GIT2: variants seen among roughly 807,000 people sequenced by gnomAD.
GIT2 encodes the protein ARF GTPase-activating protein GIT2.
Under a neutral mutation model 100.3 loss-of-function variants are expected in GIT2, and 32 were observed. The observed-to-expected ratio is 0.32, with a 90% CI of 0.24 to 0.43. The LOEUF (loss-of-function observed/expected upper bound fraction) is 0.43. Ranked by LOEUF, GIT2 falls within the 20% of genes least tolerant of loss-of-function variation. GIT2 has a pLI of 1.00. For missense variants in GIT2, 737 were observed against 975.1 expected (o/e 0.76, Z 3.25); for synonymous variants, 353 against 364.1 (o/e 0.97, Z 0.35).
chr12:109,936,938 AGT>A (rs1873199330), intron 18 of GIT2, among the ~76,000 whole-genome samples: 1 of 152,032 alleles, frequency 6.6e-6, no homozygotes, highest in African/African-American at 2.4e-5. Flanking sequence ...TCAAATATGA[AGT>A]CACTCACTGC....
Position 109,953,105 on chromosome 12 carries a change from G to T in GIT2, c.1229C>A (p.Thr410Lys), listed in dbSNP as rs547422898. ...ATGGCCTCTCACCTTCTGCCGGTTTGTTTTGCTTGCAGTGGTTTCCAAATC... is the reference window on the plus strand; with the variant it reads ...ATGGCCTCTCACCTTCTGCCGGTTTTTTTTGCTTGCAGTGGTTTCCAAATC... ...DTDLETTASK[T>K]NRQKSLDSDL... The change falls in exon 13 of 20, where the codon ACA becomes AAA. Residue 410 changes from threonine (T) to lysine (K), a missense_variant. Physicochemically the swap from Thr to Lys is moderately conservative, Grantham distance 78. This residue lies in a region of GIT2 where 451 missense variants were observed against 543.7 expected (regional missense o/e 0.83). Transcript: ENST00000355312. The T allele has an allele frequency of 5.6e-6, 9 of 1,614,146 alleles. No homozygotes were observed. In the African/African-American group the frequency reaches 6.7e-5, roughly 12 times the overall value.
intron 4 of GIT2, among the ~76,000 whole-genome samples, chr12:109,988,523 C>A (rs1226812121): frequency 1.3e-5 from 2 of 151,900 alleles, no homozygotes; most frequent in Non-Finnish European, 2.9e-5. Flanking sequence ...GCCTGGGCAA[C>A]AGAGCAAGAC....
intron 12 of GIT2, 82 bp downstream of exon 12, chr12:109,959,765 C>G: frequency 2.5e-6 from 2 of 809,540 alleles, no homozygotes. Flanking sequence ...TTGATGACTG[C>G]TTTAATTAGT....
intron 12 of GIT2, among the ~76,000 whole-genome samples, chr12:109,957,222 C>G (rs1400175065): frequency 6.6e-6 from 1 of 152,044 alleles, no homozygotes; most frequent in Non-Finnish European, 1.5e-5. Context: ...AGTTCTCGCT[C>G]TATTAGTTCC....
intron 9 of GIT2, among the ~76,000 whole-genome samples, chr12:109,963,838 C>T (rs1234477104): frequency 6.6e-6 from 1 of 152,156 alleles, no homozygotes; most frequent in African/African-American, 2.4e-5. Context: ...CCACTCTGAG[C>T]AGTTCTGGCC....
chr12:109,965,565 C>A lies in GIT2; in HGVS notation c.777G>T (p.Leu259Phe). 1 of 1,592,494 alleles carries A rather than the reference C, an allele frequency of 6.3e-7. No individual in the cohort carries two copies. The stretch of plus-strand genomic sequence containing the variant: ...TCTTAGCAGCTTTTGCCAATTCAGA[C>A]AAATCCAGGCTGCTAAGAAAACATA... ...IPQMADSSLD[L>F]SELAKAAKKK... Residue 259 changes from leucine to phenylalanine, a missense_variant, in exon 9 of 20, where the codon TTG becomes TTT. Leu to Phe is a conservative substitution (Grantham distance 22). Around this residue, in one of 3 missense-constraint regions of GIT2, gnomAD observed 266 missense variants for 376.2 expected, o/e 0.71. Transcript: ENST00000355312.
chr12:109,994,359 T>C (rs1292260786), intron 1 of GIT2, among the ~76,000 whole-genome samples: 1 of 152,170 alleles, frequency 6.6e-6, no homozygotes, highest in South Asian at 2.1e-4. Context: ...TCAAAAATGT[T>C]TGTGACTCCC....
chr12:109,945,772 TAAG>T (rs1876150724), intron 15 of GIT2, among the ~76,000 whole-genome samples: 1 of 152,316 alleles, frequency 6.6e-6, no homozygotes, highest in East Asian at 1.9e-4. Flanking sequence ...TTTTCTAAAA[TAAG>T]AAAGTACACT....
chr12:109,954,759 C>T (rs140397166), intron 12 of GIT2, among the ~76,000 whole-genome samples: 1 of 151,734 alleles, frequency 6.6e-6, no homozygotes, highest in Non-Finnish European at 1.5e-5. Flanking sequence ...ATTAGCTGGG[C>T]GTGGTGGTGC....
At chr12:109,952,700 C>A (rs1878238656) in intron 13 of GIT2, 2 of 494,826 alleles carry the variant, frequency 4.0e-6, no homozygotes, top group Admixed American at 4.1e-5. Context: ...GCCATAGATT[C>A]TCTCTCTGCT....
At chr12:109,955,407 T>C (rs1210079050) in intron 12 of GIT2, among the ~76,000 whole-genome samples, 1 of 152,212 alleles carries the variant, frequency 6.6e-6, no homozygotes, top group African/African-American at 2.4e-5. Flanking sequence ...ATTACAGGTG[T>C]GAGCCACCGC....
In GIT2 at chr12:109,938,586, G is replaced by A; in HGVS notation, c.1815-18C>T. 1.3e-6 allele frequency: 2 copies of A among 1,557,844 alleles called. No homozygotes were observed. Among genetic ancestry groups the A allele is most frequent in the Non-Finnish European group, 1.7e-6 (2 of 1,152,010 alleles). ...GGCTTGACCTGTGAACATTAAAGAT[G>A]CAGTTAAATACAGCAGGTGCTTATC... On this transcript the variant is annotated intron_variant, in intron 17 of 19. Transcript: ENST00000355312.
At chr12:109,991,096 G>A (rs1024411456) in intron 2 of GIT2, among the ~76,000 whole-genome samples, 6 of 152,206 alleles carry the variant, frequency 3.9e-5, no homozygotes, top group African/African-American at 1.4e-4. Flanking sequence ...GATCACTTGA[G>A]TTCAGGAGTT....
intron 18 of GIT2, among the ~76,000 whole-genome samples, chr12:109,935,969 C>T (rs1455791732): frequency 6.6e-6 from 1 of 152,106 alleles, no homozygotes; most frequent in Non-Finnish European, 1.5e-5. Flanking sequence ...GTCATAATCC[C>T]TGAATTGTAT....
Position 109,982,972 on chromosome 12 carries a change from C to A in GIT2, c.623+401G>T, listed in dbSNP as rs148001007. On this transcript the variant is annotated intron_variant, in intron 6 of 19. Transcript: ENST00000355312. ...AGAGTGAGCACTTAGATGTCTACTA[C>A]CCAAACCTTACAATTAACTTTTTAC... The A allele has an allele frequency of 8.2e-3, 1,389 of 169,466 alleles. 28 individuals carry two copies. The highest frequency in any genetic ancestry group is 0.032 in the African/African-American group (1,316 of 41,598). The allele number at this position is 169,466 out of a possible 1,614,324, so 10.5% of individuals were successfully genotyped here. A position where few individuals can be genotyped will look rare whatever the true frequency, so the allele number is the denominator to read the frequency against.
chr12:109,944,164 C>T (rs1385932765), intron 16 of GIT2, among the ~76,000 whole-genome samples: 1 of 152,068 alleles, frequency 6.6e-6, no homozygotes, highest in Non-Finnish European at 1.5e-5. Flanking sequence ...GACTGGGCAA[C>T]ATGAGACTCT....
rs77766064 is a variant in GIT2 at position 109,930,999 on chromosome 12, C to A, written c.*1979G>T. 0.016 allele frequency: 2,497 copies of A among 152,292 alleles called. 36 individuals are homozygous for A. The highest frequency in any genetic ancestry group is 0.053 in the South Asian group (255 of 4,824). The allele number at this position is 152,292 out of a possible 1,614,324, so 9.4% of individuals were successfully genotyped here. A position where few individuals can be genotyped will look rare whatever the true frequency, so the allele number is the denominator to read the frequency against. On this transcript the variant is annotated 3_prime_UTR_variant, in exon 20 of 20. Transcript: ENST00000355312. ...CTGTGGGACAAACAAGTGGAAGAGT[C>A]TTTTGGAGACGTGGACCCTTTTCCC...
At chr12:109,959,658 G>A (rs555685717) in intron 12 of GIT2, among the ~76,000 whole-genome samples, 189 bp downstream of exon 12, 18 of 152,196 alleles carry the variant, frequency 1.2e-4, no homozygotes, top group Non-Finnish European at 2.5e-4. Flanking sequence ...CATGGCACAC[G>A]TATACCTACG....
chr12:109,986,395 G>A (rs1566015370), intron 4 of GIT2, among the ~76,000 whole-genome samples: 1 of 152,200 alleles, frequency 6.6e-6, no homozygotes, highest in Non-Finnish European at 1.5e-5. Context: ...ACTTTGGGAA[G>A]CTGAAACAGG....
Sources: allele counts gnomAD v4.1 joint callset (sites outside exome capture counted in the v4.1 genomes callset), GRCh38; gene constraint gnomAD v4.1.1; regional missense constraint gnomAD v4.1.1; transcripts MANE v1.5; gene names NCBI Gene and HGNC (gene_info 2026-07-23, HGNC 2026-07-21).